The following ASB3 variants were observed in gnomAD, a reference collection of about 807,000 sequenced individuals.
ASB3 encodes ankyrin repeat and SOCS box containing 3, also known as ankyrin repeat and SOCS box protein 3.
Under a neutral mutation model 54.5 loss-of-function variants are expected in ASB3, and 41 were observed. The ratio of observed to expected loss-of-function variants is 0.75; its 90% CI spans 0.59 to 0.98. The LOEUF (loss-of-function observed/expected upper bound fraction) is 0.98. Among genes scored for constraint, ASB3 ranks in the 50% least tolerant of loss-of-function variants. ASB3 has a pLI of 0.00. For missense variants in ASB3, 733 were observed against 620.0 expected (o/e 1.18, Z -1.94); for synonymous variants, 266 against 221.2 (o/e 1.20, Z -1.80).
chr2:53,718,147 T>C (rs1397456242), intron 5 of ASB3, among the ~76,000 whole-genome samples: 2 of 152,186 alleles, frequency 1.3e-5, no homozygotes, highest in Admixed American at 6.5e-5. Flanking sequence ...ATTTCCCTAA[T>C]CTTGCCAGAG....
At chr2:53,672,094 C>T (rs1052788227) in intron 9 of ASB3, among the ~76,000 whole-genome samples, 1 of 152,108 alleles carries the variant, frequency 6.6e-6, no homozygotes, top group African/African-American at 2.4e-5. Context: ...AACTCATCAT[C>T]GTTTTTAGTT....
chr2:53,772,536 G>A (rs1674016777), intron 1 of ASB3, among the ~76,000 whole-genome samples: 1 of 151,046 alleles, frequency 6.6e-6, no homozygotes, highest in African/African-American at 2.4e-5. Flanking sequence ...TGACATTAAC[G>A]GAAATACCTG....
intron 2 of ASB3, among the ~76,000 whole-genome samples, chr2:53,762,460 T>A (rs559748899): frequency 6.6e-6 from 1 of 152,238 alleles, no homozygotes; most frequent in African/African-American, 2.4e-5. Flanking sequence ...AATGATTTAT[T>A]TGTCTAAGGA....
intron 8 of ASB3, among the ~76,000 whole-genome samples, chr2:53,699,092 C>T (rs149239781): frequency 3.9e-4 from 59 of 152,200 alleles, no homozygotes; most frequent in Middle Eastern, 3.4e-3. Context: ...AGTCAAGGGG[C>T]CCATCTGATG....
At chr2:53,758,580 C>A (rs1039810078) in intron 2 of ASB3, among the ~76,000 whole-genome samples, 1 of 152,200 alleles carries the variant, frequency 6.6e-6, no homozygotes, top group African/African-American at 2.4e-5. Flanking sequence ...CAATATTGGG[C>A]ATGCTGGTAA....
chr2:53,679,722 T>C (rs1296108019), intron 9 of ASB3, among the ~76,000 whole-genome samples: 3 of 152,186 alleles, frequency 2.0e-5, no homozygotes, highest in African/African-American at 7.2e-5. Flanking sequence ...CTATGTTCAC[T>C]TTATTTTTTC....
At position 53,670,414 on chromosome 2, in the gene ASB3, T is replaced by C. The variant is rs773658450; in HGVS notation, c.*89A>G. On this transcript the variant is annotated 3_prime_UTR_variant, in exon 10 of 10. Coordinates refer to ENST00000263634, the MANE Select transcript of ASB3 (RefSeq NM_016115.5). ...ACAATCAATAATCATCTTTTGACTA[T>C]AAAATCATAAAAACTTGTACTCTGT... 7.2e-7 allele frequency: 1 copy of C among 1,394,268 alleles called. No homozygotes were observed. The highest frequency in any genetic ancestry group is 9.5e-7 in the Non-Finnish European group (1 of 1,048,706). 86.4% of individuals were successfully genotyped at this position (1,394,268 alleles called of 1,614,324 possible).
intron 9 of ASB3, among the ~76,000 whole-genome samples, chr2:53,673,800 G>C (rs953266508): frequency 3.3e-5 from 5 of 152,138 alleles, no homozygotes; most frequent in African/African-American, 9.7e-5. Context: ...AGCTACTTCA[G>C]GTATTGGTTC....
Position 53,714,616 on chromosome 2 carries a change from T to C in ASB3, c.783-35A>G, listed in dbSNP as rs1670285561. On this transcript the variant is annotated intron_variant, in intron 6 of 9. Coordinates refer to ENST00000263634, the MANE Select transcript of ASB3 (RefSeq NM_016115.5). Reference sequence around the variant, plus strand: ...CACAAATTCAGGAGAATTTAGTGTTTGTATATGTGCATAAATGTAGGCAAC... The same window carrying C: ...CACAAATTCAGGAGAATTTAGTGTTCGTATATGTGCATAAATGTAGGCAAC... The C allele has an allele frequency of 4.4e-6, 7 of 1,603,672 alleles. No individual in the cohort carries two copies. The East Asian group carries it at 6.7e-5, about 15-fold the overall frequency.
chr2:53,694,713 A>T (rs571664709), intron 8 of ASB3, among the ~76,000 whole-genome samples: 8 of 152,284 alleles, frequency 5.3e-5, no homozygotes, highest in Admixed American at 3.9e-4. Context: ...AAAAGTCTTG[A>T]TGTTTAATAC....
intron 1 of ASB3, among the ~76,000 whole-genome samples, chr2:53,773,594 C>A (rs1674100617): frequency 6.6e-6 from 1 of 152,028 alleles, no homozygotes. Context: ...CTGTGCCTGA[C>A]TAATTTTTGT....
intron 9 of ASB3, among the ~76,000 whole-genome samples, chr2:53,682,761 G>A (rs1189023184): frequency 6.6e-6 from 1 of 152,188 alleles, no homozygotes; most frequent in Non-Finnish European, 1.5e-5. Flanking sequence ...ACAGGTGTGA[G>A]CCACTGCGCC....
At chr2:53,677,494 T>TA (rs1558510797) in intron 9 of ASB3, among the ~76,000 whole-genome samples, 37 of 152,100 alleles carry the variant, frequency 2.4e-4, no homozygotes, top group East Asian at 9.7e-4. Flanking sequence ...CAGGTTTTTT[T>TA]TAAAAAAAAA....
chr2:53,694,031 T>G lies in ASB3; in HGVS notation c.1239-17A>C. 6.2e-7 allele frequency: 1 copy of G among 1,611,394 alleles called. No homozygotes were observed. The highest frequency in any genetic ancestry group is 8.5e-7 in the Non-Finnish European group (1 of 1,178,392). On this transcript the variant is annotated splice_polypyrimidine_tract_variant and intron_variant, in intron 8 of 9. Transcript: ENST00000263634. ...GAGTCAATCCTATGTTAGCAAGATG[T>G]TAATATAATATTAGAAACAAAACAT...
intron 3 of ASB3, among the ~76,000 whole-genome samples, chr2:53,730,568 C>T (rs1449383985): frequency 1.3e-5 from 2 of 152,172 alleles, no homozygotes; most frequent in Non-Finnish European, 2.9e-5. Context: ...TACCCAGTAA[C>T]GGGATTGCTG....
At chr2:53,732,640 A>T (rs1671384804) in intron 3 of ASB3, among the ~76,000 whole-genome samples, 1 of 152,216 alleles carries the variant, frequency 6.6e-6, no homozygotes, top group African/African-American at 2.4e-5. Context: ...GATGCAAGTT[A>T]TGTTTTCACT....
chr2:53,715,844 A>G (rs1225470453), intron 6 of ASB3, among the ~76,000 whole-genome samples: 3 of 152,130 alleles, frequency 2.0e-5, no homozygotes, highest in Non-Finnish European at 4.4e-5. Context: ...AGTAATGAAT[A>G]TTTTACTATT....
chr2:53,761,459 C>T (rs1348894785), intron 2 of ASB3, among the ~76,000 whole-genome samples: 2 of 152,120 alleles, frequency 1.3e-5, no homozygotes, highest in East Asian at 1.9e-4. Context: ...TTCATTCTCT[C>T]TTGAACTAGG....
At chr2:53,764,010 C>T (rs1466198595) in intron 2 of ASB3, among the ~76,000 whole-genome samples, 1 of 151,956 alleles carries the variant, frequency 6.6e-6, no homozygotes, top group Non-Finnish European at 1.5e-5. Flanking sequence ...CATCTCTTAC[C>T]TGTTAAGACA....
Sources: allele counts gnomAD v4.1 joint callset (sites outside exome capture counted in the v4.1 genomes callset), GRCh38; gene constraint gnomAD v4.1.1; transcripts MANE v1.5; gene names NCBI Gene and HGNC (gene_info 2026-07-23, HGNC 2026-07-21).